ADGRG6: variants seen among roughly 807,000 people sequenced by gnomAD.
ADGRG6 encodes the protein adhesion G protein-coupled receptor G6, also known as G-protein coupled receptor 126.
In ADGRG6, 84 loss-of-function variants were observed where a neutral mutation model predicts 142.4. The ratio of observed to expected loss-of-function variants is 0.59; its 90% CI spans 0.49 to 0.71. ADGRG6 has a LOEUF of 0.71. Ranked by LOEUF, ADGRG6 falls within the 30% of genes least tolerant of loss-of-function variation. The pLI is 0.00. For synonymous variants in ADGRG6, 521 were observed against 520.5 expected, an observed-to-expected ratio of 1.00 and a Z score of -0.01; for missense variants, 1,367 against 1,466.6, an observed-to-expected ratio of 0.93 and a Z score of 1.11.
intron 9 of ADGRG6, among the ~76,000 whole-genome samples, chr6:142,394,678 C>T (rs536278524): frequency 1.3e-5 from 2 of 150,556 alleles, no homozygotes; most frequent in East Asian, 2.0e-4. Context: ...AACTCCTAGG[C>T]TCAAATGATC....
chr6:142,396,376 A>C (rs1191189087), intron 9 of ADGRG6, among the ~76,000 whole-genome samples: 1 of 152,138 alleles, frequency 6.6e-6, no homozygotes, highest in Non-Finnish European at 1.5e-5. Flanking sequence ...CATTTTAGAG[A>C]GAGCTTTTCA....
Position 142,370,195 on chromosome 6 carries a change from G to T in ADGRG6, c.471G>T (p.Lys157Asn). 6.2e-7 allele frequency: 1 copy of T among 1,604,112 alleles called. No individual in the cohort carries two copies. Among genetic ancestry groups the T allele is most frequent in the Non-Finnish European group, 8.5e-7 (1 of 1,171,792 alleles). ...TTGCCGTGTCCTTAAGGAATCAAAA[G>T]GTCATTTTACCCCAGACATCAGATG... ...IRVAVSLRNQKVILPQTSDAY... is the reference protein window; with the variant it reads ...IRVAVSLRNQNVILPQTSDAY... Residue 157 changes from lysine (K) to asparagine (N), a missense_variant, in exon 4 of 25, where the codon AAG (lysine) becomes AAT (asparagine). Around this residue, in one of 3 missense-constraint regions of ADGRG6, gnomAD observed 737 missense variants for 746.5 expected, o/e 0.99. Transcript: ENST00000367609.
Position 142,384,480 on chromosome 6 carries a change from T to A in ADGRG6, c.1222+637T>A, listed in dbSNP as rs147672008. Among the ~76,000 whole-genome samples the A allele has an allele frequency of 2.6e-3, 390 of 152,226 alleles. 2 individuals carry two copies. Among genetic ancestry groups the A allele is most frequent in the African/African-American group, 8.8e-3 (365 of 41,564 alleles). On this transcript the variant is annotated intron_variant, in intron 6 of 24. Transcript: ENST00000367609. ...AATTTGCAAATACAGCAGTGTACGG[T>A]AAGAAATAAACAGAGGAAAAGTCAG... is the stretch of plus-strand genomic sequence containing the variant.
At chr6:142,334,363 C>T (rs1030093274) in intron 2 of ADGRG6, among the ~76,000 whole-genome samples, 2 of 152,168 alleles carry the variant, frequency 1.3e-5, no homozygotes, top group Non-Finnish European at 2.9e-5. Flanking sequence ...ACTAGGGAAT[C>T]CAGGCTATCT....
intron 22 of ADGRG6, among the ~76,000 whole-genome samples, chr6:142,432,775 T>C (rs1025523738): frequency 2.6e-5 from 4 of 152,230 alleles, no homozygotes; most frequent in Admixed American, 6.5e-5. Context: ...CACATTTTAC[T>C]ACCCCAACAA....
chr6:142,370,839 T>C, intron 4 of ADGRG6, 46 bp downstream of exon 4: 2 of 1,569,202 alleles, frequency 1.3e-6, no homozygotes, highest in East Asian at 2.2e-5. Flanking sequence ...TTAGCATTAT[T>C]CTATGAATAT....
At chr6:142,354,495 C>G (rs1194246772) in intron 2 of ADGRG6, among the ~76,000 whole-genome samples, 3 of 152,132 alleles carry the variant, frequency 2.0e-5, no homozygotes, top group Non-Finnish European at 4.4e-5. Context: ...TTCATACATT[C>G]TCTTTTGTGT....
chr6:142,388,189 T>A (rs777593256), intron 6 of ADGRG6, among the ~76,000 whole-genome samples: 10 of 152,194 alleles, frequency 6.6e-5, no homozygotes, highest in Non-Finnish European at 1.3e-4. Context: ...CAGTTCACTC[T>A]TGGACTTTTC....
chr6:142,348,249 T>A (rs1361599162), intron 2 of ADGRG6, among the ~76,000 whole-genome samples: 4 of 152,192 alleles, frequency 2.6e-5, no homozygotes, highest in Non-Finnish European at 5.9e-5. Flanking sequence ...TGGTATTTGT[T>A]AATCCCTCCA....
At position 142,400,509 on chromosome 6, in the gene ADGRG6, C is replaced by T; in HGVS notation, c.1592C>T (p.Pro531Leu). The change falls in exon 11 of 25, where the codon CCC (proline) becomes CTC (leucine). Residue 531 changes from proline to leucine, a missense_variant. Physicochemically the swap from Pro to Leu is moderately conservative, Grantham distance 98. Around this residue, in one of 3 missense-constraint regions of ADGRG6, gnomAD observed 737 missense variants for 746.5 expected, o/e 0.99. Coordinates refer to ENST00000367609, the MANE Select transcript of ADGRG6 (RefSeq NM_198569.3). ...GGTCATTGTCTTGCCATGGAGGAAC[C>T]CAAAGGCTACTACTGGCCATCTATC... ...QLGHCLAMEEPKGYYWPSIQP... is the reference protein window; with the variant it reads ...QLGHCLAMEELKGYYWPSIQP... 1.3e-6 allele frequency: 2 copies of T among 1,586,964 alleles called. No individual in the cohort carries two copies. Among genetic ancestry groups the T allele is most frequent in the Admixed American group, 1.7e-5 (1 of 59,816 alleles).
chr6:142,437,390 G>C, intron 22 of ADGRG6, 44 bp from the exon 23 acceptor site: 1 of 863,474 alleles, frequency 1.2e-6, no homozygotes, highest in South Asian at 1.5e-5. Context: ...TCTCTTTAAA[G>C]ATGTGTCAGT....
intron 21 of ADGRG6, among the ~76,000 whole-genome samples, chr6:142,418,303 A>G: frequency 6.6e-6 from 1 of 151,082 alleles, no homozygotes; most frequent in African/African-American, 2.4e-5. Flanking sequence ...TCTAAAAAAA[A>G]AAAAAAAAAA....
Position 142,403,892 on chromosome 6 carries a change from C to A in ADGRG6, c.2046C>A (p.Ser682Arg), listed in dbSNP as rs200367753. ...TTACAACTCGGAACTTGGCTCTCAG[C>A]GTATCATCCCTGTTACCAGGGACAA... The part of the protein sequence containing the change: ...VNITTRNLAL[S>R]VSSLLPGTNA... The change falls in exon 14 of 25, where the codon AGC (serine) becomes AGA (arginine). Residue 682 changes from serine (S) to arginine (R), a missense_variant. Physicochemically the swap from Ser to Arg is moderately radical, Grantham distance 110. Around this residue, in one of 3 missense-constraint regions of ADGRG6, gnomAD observed 286 missense variants for 371.4 expected, o/e 0.77. Coordinates refer to ENST00000367609, the MANE Select transcript of ADGRG6 (RefSeq NM_198569.3). The A allele has an allele frequency of 1.3e-4, 202 of 1,607,610 alleles. No individual in the cohort carries two copies. Among genetic ancestry groups the A allele is most frequent in the Non-Finnish European group, 1.6e-4 (188 of 1,174,578 alleles).
chr6:142,343,477 G>A (rs1008811752), intron 2 of ADGRG6, among the ~76,000 whole-genome samples: 1 of 151,476 alleles, frequency 6.6e-6, no homozygotes, highest in African/African-American at 2.4e-5. Context: ...TTTTCCTCAT[G>A]ATCTTATTTA....
intron 3 of ADGRG6, among the ~76,000 whole-genome samples, chr6:142,369,108 T>C (rs1267802572): frequency 6.6e-6 from 1 of 152,174 alleles, no homozygotes; most frequent in Non-Finnish European, 1.5e-5. Flanking sequence ...CTTGATGTAC[T>C]GAATATTAAA....
In ADGRG6 at chr6:142,338,052, G is replaced by A. The variant is rs1343685474; in HGVS notation, c.103+28408G>A. 1.7e-3 allele frequency among the ~76,000 whole-genome samples: 9 copies of A among 5,242 alleles called. No homozygotes were observed. In the East Asian group the frequency reaches 0.048, roughly 28 times the overall value. The allele number at this position is 5,242 out of a possible 152,430, so 3.4% of individuals were successfully genotyped here. A position where few individuals can be genotyped will look rare whatever the true frequency, so the allele number is the denominator to read the frequency against. ...TTTTTTTTTTTTGAGACGGAGTCTCGCTCTGTCACCCAGGCTGGAGTGCAG... is the reference window on the plus strand; with the variant it reads ...TTTTTTTTTTTTGAGACGGAGTCTCACTCTGTCACCCAGGCTGGAGTGCAG... On this transcript the variant is annotated intron_variant, in intron 2 of 24. Coordinates refer to ENST00000367609, the MANE Select transcript of ADGRG6 (RefSeq NM_198569.3).
At chr6:142,302,633 G>C (rs1343088223) in intron 1 of ADGRG6, 4 of 413,460 alleles carry the variant, frequency 9.7e-6, no homozygotes, top group Non-Finnish European at 1.3e-5. Flanking sequence ...GGGAAAACGT[G>C]TTTTCAATTC....
chr6:142,302,712 C>T (rs761894738), intron 1 of ADGRG6: 2 of 256,670 alleles, frequency 7.8e-6, no homozygotes, highest in East Asian at 7.5e-5. Context: ...AAGGCGCTCT[C>T]CGGAATCAAC....
chr6:142,310,561 A>G (rs993359286), intron 2 of ADGRG6, among the ~76,000 whole-genome samples: 33 of 151,792 alleles, frequency 2.2e-4, no homozygotes, highest in African/African-American at 7.5e-4. Context: ...CATTTTAAAC[A>G]TCGTGGAAAT....
Sources: gnomAD v4.1 joint callset for allele counts (sites outside exome capture counted in the v4.1 genomes callset) on GRCh38, gnomAD v4.1.1 for gene constraint, gnomAD v4.1.1 regional missense constraint, MANE v1.5 for transcripts, NCBI Gene and HGNC (gene_info 2026-07-23, HGNC 2026-07-21) for gene names.